ZNF423: variants seen among roughly 807,000 people sequenced by gnomAD.
ZNF423 encodes zinc finger protein 423, also known as Ebf-associated zinc finger protein.
ZNF423 carries 12 observed loss-of-function variants against 95.8 expected under a neutral mutation model. The observed-to-expected ratio is 0.13, with a 90% CI of 0.08 to 0.20. The LOEUF is 0.20. Among genes scored for constraint, ZNF423 ranks in the 10% least tolerant of loss-of-function variants. ZNF423 has a pLI of 1.00. For missense variants in ZNF423, 1,316 were observed against 1,737.1 expected (o/e 0.76, Z 4.31); for synonymous variants, 749 against 711.9 (o/e 1.05, Z -0.83).
intron 3 of ZNF423, among the ~76,000 whole-genome samples, chr16:49,666,613 T>C (rs1241039563): frequency 6.6e-6 from 1 of 152,196 alleles, no homozygotes; most frequent in Non-Finnish European, 1.5e-5. Context: ...CACAGTTACA[T>C]TCCCAGAGTT....
At chr16:49,767,483 A>G (rs1252724469) in intron 2 of ZNF423, among the ~76,000 whole-genome samples, 2 of 152,190 alleles carry the variant, frequency 1.3e-5, no homozygotes, top group Non-Finnish European at 2.9e-5. Flanking sequence ...ATTCCACAGC[A>G]CTGGGATCTA....
At chr16:49,668,062 G>A (rs1389916802) in intron 3 of ZNF423, among the ~76,000 whole-genome samples, 2 of 152,084 alleles carry the variant, frequency 1.3e-5, no homozygotes, top group Non-Finnish European at 2.9e-5. Context: ...ACTTTCTTTA[G>A]CAGGACTCCA....
chr16:49,677,753 C>CAAAAAA (rs776853564), intron 3 of ZNF423, among the ~76,000 whole-genome samples: 3 of 84,752 alleles, frequency 3.5e-5, no homozygotes, highest in Non-Finnish European at 8.1e-5. Context: ...GACCCTGTCT[C>CAAAAAA]AAAAAAAAAA....
intron 5 of ZNF423, among the ~76,000 whole-genome samples, chr16:49,597,682 G>A (rs946904695): frequency 5.9e-5 from 9 of 152,216 alleles, no homozygotes; most frequent in Admixed American, 2.6e-4. Context: ...CTTAGGTACC[G>A]TGTAAATGGG....
chr16:49,787,125 A>T (rs928466292), intron 2 of ZNF423, among the ~76,000 whole-genome samples: 1 of 152,162 alleles, frequency 6.6e-6, no homozygotes, highest in African/African-American at 2.4e-5. Context: ...TAAATGTGAC[A>T]TCGCCCACGT....
At chr16:49,713,300 C>T (rs1216735395) in intron 3 of ZNF423, among the ~76,000 whole-genome samples, 2 of 152,248 alleles carry the variant, frequency 1.3e-5, no homozygotes, top group African/African-American at 4.8e-5. Flanking sequence ...GACTTCTGAG[C>T]ATTTGCTCAT....
chr16:49,609,484 TG>T (rs1029842277), intron 5 of ZNF423, among the ~76,000 whole-genome samples: 3 of 150,996 alleles, frequency 2.0e-5, no homozygotes, highest in African/African-American at 7.3e-5. Context: ...TTGAAACAAG[TG>T]GAAAAAAAAA....
chr16:49,518,413 C>T, intron 7 of ZNF423: 1 of 437,084 alleles, frequency 2.3e-6, no homozygotes, highest in Middle Eastern at 7.5e-4. Flanking sequence ...TTAGAAAATT[C>T]ACTTTTTCTG....
intron 7 of ZNF423, among the ~76,000 whole-genome samples, chr16:49,505,567 G>A (rs898544721): frequency 2.6e-5 from 4 of 152,018 alleles, no homozygotes; most frequent in African/African-American, 9.7e-5. Flanking sequence ...CAGGGCAGAA[G>A]CTTGTAAGGA....
At chr16:49,562,455 C>T (rs1470384772) in intron 5 of ZNF423, among the ~76,000 whole-genome samples, 1 of 152,228 alleles carries the variant, frequency 6.6e-6, no homozygotes, top group African/African-American at 2.4e-5. Flanking sequence ...GATACACACC[C>T]GATGGGTGGC....
intron 5 of ZNF423, among the ~76,000 whole-genome samples, chr16:49,527,973 C>A (rs866180789): frequency 5.9e-5 from 9 of 152,096 alleles, no homozygotes; most frequent in Admixed American, 2.6e-4. Context: ...GCACAATGAC[C>A]CTTGATTCAT....
At chr16:49,752,010 C>G (rs1186862569) in intron 2 of ZNF423, among the ~76,000 whole-genome samples, 2 of 152,144 alleles carry the variant, frequency 1.3e-5, no homozygotes, top group Non-Finnish European at 2.9e-5. Context: ...AAATGCAGAG[C>G]AGCAGCTCAT....
chr16:49,601,166 C>A (rs1235003791), intron 5 of ZNF423, among the ~76,000 whole-genome samples: 1 of 152,142 alleles, frequency 6.6e-6, no homozygotes, highest in Non-Finnish European at 1.5e-5. Context: ...GAACCCGGCT[C>A]CCTCTAGGTA....
intron 3 of ZNF423, among the ~76,000 whole-genome samples, chr16:49,720,998 A>G (rs2032849160): frequency 6.6e-6 from 1 of 152,252 alleles, no homozygotes; most frequent in South Asian, 2.1e-4. Context: ...GAGGCTGCTC[A>G]TTCCATTGTC....
At chr16:49,689,533 C>T (rs559392493) in intron 3 of ZNF423, among the ~76,000 whole-genome samples, 26 of 152,122 alleles carry the variant, frequency 1.7e-4, no homozygotes, top group Non-Finnish European at 3.5e-4. Flanking sequence ...ACATTAAAAG[C>T]GTGCCCCACA....
intron 3 of ZNF423, among the ~76,000 whole-genome samples, chr16:49,650,762 G>A (rs980482807): frequency 6.6e-6 from 1 of 152,154 alleles, no homozygotes; most frequent in Non-Finnish European, 1.5e-5. Context: ...AGAGAGGTTA[G>A]GTCACATCCT....
At chr16:49,621,855 G>A (rs1367029183) in intron 5 of ZNF423, among the ~76,000 whole-genome samples, 3 of 152,156 alleles carry the variant, frequency 2.0e-5, no homozygotes, top group Non-Finnish European at 4.4e-5. Flanking sequence ...CACAGCACAA[G>A]CCACATCTAA....
intron 5 of ZNF423, among the ~76,000 whole-genome samples, chr16:49,553,147 G>C (rs1443793513): frequency 1.3e-5 from 2 of 152,004 alleles, no homozygotes; most frequent in Non-Finnish European, 2.9e-5. Context: ...GAAGGAGCTG[G>C]GCTCAAATCT....
At chr16:49,543,324 T>C (rs576166993) in intron 5 of ZNF423, among the ~76,000 whole-genome samples, 1 of 152,214 alleles carries the variant, frequency 6.6e-6, no homozygotes, top group African/African-American at 2.4e-5. Flanking sequence ...GCACCAGTCC[T>C]CAGCCCCCCA....
Sources: gnomAD v4.1 joint callset for allele counts (sites outside exome capture counted in the v4.1 genomes callset) on GRCh38, gnomAD v4.1.1 for gene constraint, MANE v1.5 for transcripts, NCBI Gene and HGNC (gene_info 2026-07-23, HGNC 2026-07-21) for gene names.